Variants in ADCY2 observed in about 807,000 individuals in gnomAD.
The protein encoded by ADCY2 is adenylate cyclase 2, also known as adenylate cyclase type 2.
In ADCY2, 31 loss-of-function variants were observed where a neutral mutation model predicts 125.2. The ratio of observed to expected loss-of-function variants is 0.25; its 90% confidence interval spans 0.19 to 0.33. ADCY2 has a LOEUF of 0.33. Ranked by LOEUF, ADCY2 falls within the 10% of genes least tolerant of loss-of-function variation. The pLI, the probability that ADCY2 is intolerant of heterozygous loss-of-function variation, is 1.00. For missense variants in ADCY2, 904 were observed against 1,418.2 expected, an observed-to-expected ratio of 0.64 and a Z score of 5.82; for synonymous variants, 512 against 548.4, an observed-to-expected ratio of 0.93 and a Z score of 0.93.
chr5:7,460,994 C>G (rs1304405671), intron 2 of ADCY2, among the ~76,000 whole-genome samples: 1 of 152,198 alleles, frequency 6.6e-6, no homozygotes, highest in Non-Finnish European at 1.5e-5. Context: ...TCACATCACT[C>G]AAGTCCAGAG....
intron 12 of ADCY2, among the ~76,000 whole-genome samples, chr5:7,723,920 CAAAAAAAAA>C (rs70940756): frequency 1.1e-4 from 6 of 53,724 alleles, no homozygotes; most frequent in Non-Finnish European, 1.5e-4. Flanking sequence ...GACTCAGTCT[CAAAAAAAAA>C]AAAAAAAAAA....
In ADCY2 at chr5:7,802,465, G is replaced by C. The variant is rs1318194664; in HGVS notation, c.2775+101G>C. 7.4e-7 allele frequency: 1 copy of C among 1,357,034 alleles called. No homozygotes were observed. Among genetic ancestry groups the C allele is most frequent in the African/African-American group, 1.5e-5 (1 of 68,458 alleles). The allele number at this position is 1,357,034 out of a possible 1,614,324, so 84.1% of individuals were successfully genotyped here. A position where few individuals can be genotyped will look rare whatever the true frequency, so the allele number is the denominator to read the frequency against. Reference sequence around the variant, plus strand: ...ATAGTGGCCTATCCCAAAAAAACTTGTCCTTTGGCATAATTTCTGGCAGAT... The same window carrying C: ...ATAGTGGCCTATCCCAAAAAAACTTCTCCTTTGGCATAATTTCTGGCAGAT... On this transcript the variant is annotated intron_variant, in intron 21 of 24. Coordinates refer to ENST00000338316, the MANE Select transcript of ADCY2 (RefSeq NM_020546.3). This position sits in a 1 kb window ranked among gnomAD's most constrained non-coding sequence, Gnocchi z 4.6.
chr5:7,669,814 A>G (rs1739873198), intron 4 of ADCY2, among the ~76,000 whole-genome samples: 1 of 152,182 alleles, frequency 6.6e-6, no homozygotes, highest in South Asian at 2.1e-4. Context: ...CAGCAGGGTT[A>G]GCTTTTGCAT....
chr5:7,659,926 T>C (rs1486325498), intron 4 of ADCY2, among the ~76,000 whole-genome samples: 1 of 152,178 alleles, frequency 6.6e-6, no homozygotes, highest in Non-Finnish European at 1.5e-5. Flanking sequence ...GAGCTACTTA[T>C]GTAAGTGTGA....
intron 4 of ADCY2, among the ~76,000 whole-genome samples, chr5:7,676,700 G>A (rs1162781766): frequency 6.6e-6 from 1 of 152,196 alleles, no homozygotes; most frequent in Non-Finnish European, 1.5e-5. Context: ...GCCACAGTGT[G>A]AGCTGAGTGA....
At chr5:7,408,806 T>G (rs1177473441) in intron 1 of ADCY2, among the ~76,000 whole-genome samples, 1 of 152,144 alleles carries the variant, frequency 6.6e-6, no homozygotes, top group Non-Finnish European at 1.5e-5. Context: ...TCAGGCATTG[T>G]GGGAGACAGC....
At chr5:7,772,182 T>C (rs1468122368) in intron 17 of ADCY2, among the ~76,000 whole-genome samples, 2 of 152,068 alleles carry the variant, frequency 1.3e-5, no homozygotes, top group Non-Finnish European at 2.9e-5. Context: ...AGCTAATGAG[T>C]TAGTGAAGAG....
intron 4 of ADCY2, chr5:7,690,478 G>A (rs1740669861): frequency 2.7e-6 from 1 of 371,450 alleles, no homozygotes; most frequent in South Asian, 1.2e-4. Context: ...CACACACTTA[G>A]AATGCAATAA....
At chr5:7,654,704 C>T (rs907211248) in intron 4 of ADCY2, among the ~76,000 whole-genome samples, 16 of 152,288 alleles carry the variant, frequency 1.1e-4, no homozygotes, top group Admixed American at 3.9e-4. Context: ...CCTTCCTTGC[C>T]CTCCACCCAT....
intron 3 of ADCY2, among the ~76,000 whole-genome samples, chr5:7,606,905 A>C (rs1437573310): frequency 6.6e-6 from 1 of 152,114 alleles, no homozygotes; most frequent in Non-Finnish European, 1.5e-5. Flanking sequence ...CTTTGATGTC[A>C]TGTTATGTCC....
At chr5:7,530,568 A>G (rs914024934) in intron 3 of ADCY2, among the ~76,000 whole-genome samples, 1 of 151,792 alleles carries the variant, frequency 6.6e-6, no homozygotes, top group South Asian at 2.1e-4. Flanking sequence ...TTTAAATGAC[A>G]CATCTCAGAG....
intron 10 of ADCY2, among the ~76,000 whole-genome samples, chr5:7,712,502 C>G (rs1305110746): frequency 1.3e-5 from 2 of 152,164 alleles, no homozygotes; most frequent in Non-Finnish European, 2.9e-5. Context: ...TACCAAAGTC[C>G]ATTTTCACAT....
chr5:7,472,323 C>T (rs569591646), intron 2 of ADCY2, among the ~76,000 whole-genome samples: 23 of 152,184 alleles, frequency 1.5e-4, no homozygotes, highest in Middle Eastern at 3.4e-3. Context: ...CTATCAAAGG[C>T]GTCTTAAACT....
intron 4 of ADCY2, chr5:7,690,439 T>C (rs1331411418): frequency 1.3e-5 from 4 of 300,548 alleles, no homozygotes; most frequent in Non-Finnish European, 2.4e-5. Flanking sequence ...GAAATAACTT[T>C]GCATCCCTTT....
At chr5:7,571,992 A>G (rs753461494) in intron 3 of ADCY2, among the ~76,000 whole-genome samples, 50 of 152,184 alleles carry the variant, frequency 3.3e-4, no homozygotes, top group Non-Finnish European at 8.8e-5. Context: ...ATGGCTGCAT[A>G]GTATTCCATG....
intron 2 of ADCY2, among the ~76,000 whole-genome samples, chr5:7,516,002 C>T (rs985375359): frequency 1.3e-5 from 2 of 152,072 alleles, no homozygotes; most frequent in South Asian, 2.1e-4. Flanking sequence ...GGGAGAAACA[C>T]GTGAGACCTG....
At chr5:7,658,604 T>G (rs1399832254) in intron 4 of ADCY2, among the ~76,000 whole-genome samples, 1 of 152,104 alleles carries the variant, frequency 6.6e-6, no homozygotes, top group Non-Finnish European at 1.5e-5. Flanking sequence ...TTTACTGCAT[T>G]GCTTCTGTAA....
intron 7 of ADCY2, among the ~76,000 whole-genome samples, chr5:7,698,885 T>C (rs1740981425): frequency 6.6e-6 from 1 of 152,114 alleles, no homozygotes; most frequent in Admixed American, 6.6e-5. Flanking sequence ...TGATTTATAA[T>C]CCTTTGGGTA....
chr5:7,632,402 C>T (rs1738345279), intron 4 of ADCY2, among the ~76,000 whole-genome samples: 1 of 152,120 alleles, frequency 6.6e-6, no homozygotes, highest in African/African-American at 2.4e-5. Flanking sequence ...TAACTTCCAT[C>T]CATCTTGGTC....
Sources: gnomAD v4.1 joint callset for allele counts (sites outside exome capture counted in the v4.1 genomes callset) on GRCh38, gnomAD v4.1.1 for gene constraint, Gnocchi (gnomAD v3.1) non-coding constraint, MANE v1.5 for transcripts, NCBI Gene and HGNC (gene_info 2026-07-23, HGNC 2026-07-21) for gene names.